The following LPP variants were observed in gnomAD, a reference collection of about 807,000 sequenced individuals.
LPP encodes LIM domain containing preferred translocation partner in lipoma.
A neutral mutation model predicts 60.4 loss-of-function variants in LPP; 38 were observed. The observed-to-expected ratio is 0.63, with a 90% CI of 0.49 to 0.83. The LOEUF (loss-of-function observed/expected upper bound fraction) is 0.83. LPP is among the 40% of genes least tolerant of loss of function. The probability of loss-of-function intolerance (pLI) is 0.00; values close to 1 mark genes in which losing one functional copy is unlikely to be tolerated. For missense variants in LPP, 902 were observed against 783.6 expected (o/e 1.15, Z -1.80); for synonymous variants, 328 against 290.8 (o/e 1.13, Z -1.30).
In LPP at chr3:188,607,395, AT is replaced by A. The variant is rs1560628530; in HGVS notation, c.430-1765del. Among the ~76,000 whole-genome samples, 130 of 30,078 alleles carry A rather than the reference AT, an allele frequency of 4.3e-3. 3 individuals carry two copies. Among genetic ancestry groups the A allele is most frequent in the East Asian group, 7.2e-3 (1 of 138 alleles). The allele number at this position is 30,078 out of a possible 152,430, so 19.7% of individuals were successfully genotyped here. A position where few individuals can be genotyped will look rare whatever the true frequency, so the allele number is the denominator to read the frequency against. ...GATATATATATATATATATATATAT[AT>A]ATATATATATATATATATATAATTT... On this transcript the variant is annotated intron_variant, in intron 6 of 11. Coordinates refer to ENST00000617246, the MANE Select transcript of LPP (RefSeq NM_001375462.1).
chr3:188,763,226 C>G (rs962164736), intron 9 of LPP, among the ~76,000 whole-genome samples: 1 of 151,256 alleles, frequency 6.6e-6, no homozygotes, highest in Admixed American at 6.6e-5. Flanking sequence ...AAACCTAGCC[C>G]TTGGCCATCA....
At chr3:188,742,687 C>A (rs772586953) in intron 8 of LPP, among the ~76,000 whole-genome samples, 9 of 152,010 alleles carry the variant, frequency 5.9e-5, no homozygotes, top group Non-Finnish European at 1.3e-4. Flanking sequence ...TGGGGACTGA[C>A]AAATAGGGAA....
chr3:188,783,726 GA>G (rs35600998), intron 9 of LPP, among the ~76,000 whole-genome samples: 94,634 of 151,060 alleles, frequency 0.63, 30,056 homozygotes, highest in East Asian at 0.89. Context: ...TTTAAAAAAA[GA>G]AAAAAAAATC....
chr3:188,763,250 T>TC (rs1732995805), intron 9 of LPP, among the ~76,000 whole-genome samples: 1 of 141,652 alleles, frequency 7.1e-6, no homozygotes. Flanking sequence ...AGTGTGCCTG[T>TC]CTTTTTTTTT....
chr3:188,172,544 C>T (rs1353373969), intron 1 of LPP, among the ~76,000 whole-genome samples: 1 of 152,122 alleles, frequency 6.6e-6, no homozygotes, highest in East Asian at 1.9e-4. Flanking sequence ...TAGAGATTAT[C>T]TAAATGATTG....
At chr3:188,634,660 G>A (rs1429319364) in intron 7 of LPP, among the ~76,000 whole-genome samples, 1 of 152,150 alleles carries the variant, frequency 6.6e-6, no homozygotes, top group African/African-American at 2.4e-5. Flanking sequence ...CTGCACATGC[G>A]AGGGATATAT....
At chr3:188,528,743 C>T (rs968833831) in intron 6 of LPP, among the ~76,000 whole-genome samples, 1 of 152,102 alleles carries the variant, frequency 6.6e-6, no homozygotes, top group Non-Finnish European at 1.5e-5. Context: ...TTGAGCACTG[C>T]GTGAGCACAA....
intron 7 of LPP, among the ~76,000 whole-genome samples, chr3:188,611,326 G>C (rs532476096): frequency 6.6e-6 from 1 of 152,138 alleles, no homozygotes; most frequent in Non-Finnish European, 1.5e-5. Context: ...TGTTATTACA[G>C]TTTTTTATTT....
intron 8 of LPP, among the ~76,000 whole-genome samples, chr3:188,757,889 G>GTTTTTTGTTTTTTTTTTTTTTTTTT (rs1553833771): frequency 6.4e-5 from 5 of 78,736 alleles, no homozygotes; most frequent in Non-Finnish European, 1.2e-4. Context: ...TGTTTTTTTG[G>GTTTTTTGTTTTTTTTTTTTTTTTTT]TTTTTTTTTT....
At position 188,689,383 on chromosome 3, in the gene LPP, G is replaced by A. The variant is rs560306594; in HGVS notation, c.1114-18884G>A. ...CCAGAATGCTATTATTTCACCAAGG[G>A]CAACAAATCTTCTTGGCAGGAAAAG... On this transcript the variant is annotated intron_variant, in intron 7 of 11. Coordinates refer to ENST00000617246, the MANE Select transcript of LPP (RefSeq NM_001375462.1). Among the ~76,000 whole-genome samples the A allele has an allele frequency of 2.6e-5, 4 of 152,264 alleles. No individual in the cohort carries two copies. In the South Asian group the frequency reaches 8.3e-4, roughly 32 times the overall value.
intron 2 of LPP, among the ~76,000 whole-genome samples, chr3:188,306,136 A>G (rs1455804360): frequency 6.6e-6 from 1 of 152,030 alleles, no homozygotes; most frequent in Non-Finnish European, 1.5e-5. Flanking sequence ...GTTGGAGTGC[A>G]GTGGCGTGAT....
chr3:188,573,991 G>A (rs1351876053), intron 6 of LPP, among the ~76,000 whole-genome samples: 10 of 152,098 alleles, frequency 6.6e-5, no homozygotes, highest in Non-Finnish European at 1.3e-4. Context: ...ACCTTTCTCC[G>A]TAGCTCCAAC....
chr3:188,446,549 ATTTG>A (rs1795276136), intron 4 of LPP, among the ~76,000 whole-genome samples: 1 of 152,042 alleles, frequency 6.6e-6, no homozygotes, highest in African/African-American at 2.4e-5. Context: ...CTTTGTTTTT[ATTTG>A]TTTGTAAACA....
At chr3:188,355,070 G>T (rs925466470) in intron 3 of LPP, among the ~76,000 whole-genome samples, 1 of 151,992 alleles carries the variant, frequency 6.6e-6, no homozygotes, top group Non-Finnish European at 1.5e-5. Flanking sequence ...GTGCAGTGGC[G>T]TGATCTCAGC....
intron 7 of LPP, among the ~76,000 whole-genome samples, chr3:188,698,261 T>C (rs890543336): frequency 2.6e-5 from 4 of 152,302 alleles, no homozygotes; most frequent in Admixed American, 2.6e-4. Flanking sequence ...CAACCTTGAA[T>C]AATGGTTCAT....
At chr3:188,488,812 T>G (rs1404702691) in intron 5 of LPP, among the ~76,000 whole-genome samples, 2 of 151,990 alleles carry the variant, frequency 1.3e-5, no homozygotes, top group African/African-American at 2.4e-5. Context: ...AATTTTTTTG[T>G]ATTTTCGGTA....
intron 5 of LPP, among the ~76,000 whole-genome samples, chr3:188,492,654 C>T (rs994432684): frequency 3.3e-5 from 5 of 152,178 alleles, no homozygotes; most frequent in Non-Finnish European, 7.4e-5. Flanking sequence ...CGAGATTGCA[C>T]CATTGCCCTC....
intron 2 of LPP, among the ~76,000 whole-genome samples, chr3:188,242,869 G>A (rs954131621): frequency 6.6e-6 from 1 of 152,220 alleles, no homozygotes; most frequent in Admixed American, 6.5e-5. Context: ...GCAAGTTGGA[G>A]AAAGAGATTA....
chr3:188,280,104 G>A (rs1297693445), intron 2 of LPP, among the ~76,000 whole-genome samples: 2 of 152,214 alleles, frequency 1.3e-5, no homozygotes, highest in African/African-American at 2.4e-5. Context: ...GTAATTGGCA[G>A]CCAATCACTG....
Sources: gnomAD v4.1 joint callset for allele counts (sites outside exome capture counted in the v4.1 genomes callset) on GRCh38, gnomAD v4.1.1 for gene constraint, MANE v1.5 for transcripts, NCBI Gene and HGNC (gene_info 2026-07-23, HGNC 2026-07-21) for gene names.